FYN: variants seen among roughly 807,000 people sequenced by gnomAD.
The protein encoded by FYN is tyrosine-protein kinase Fyn.
FYN carries 10 observed loss-of-function variants against 70.2 expected under a neutral mutation model. That is an observed-to-expected ratio of 0.14 (90% CI 0.09 to 0.24). The LOEUF (loss-of-function observed/expected upper bound fraction) is 0.24. Among genes scored for constraint, FYN ranks in the 10% least tolerant of loss-of-function variants. The pLI, the probability that FYN is intolerant of heterozygous loss-of-function variation, is 1.00. For synonymous variants in FYN, 236 were observed against 248.6 expected (o/e 0.95, Z 0.48); for missense variants, 319 against 673.1 (o/e 0.47, Z 5.82).
intron 2 of FYN, among the ~76,000 whole-genome samples, chr6:111,807,137 T>C (rs1772175604): frequency 6.6e-6 from 1 of 152,212 alleles, no homozygotes; most frequent in Non-Finnish European, 1.5e-5. Flanking sequence ...TACTGAGGGA[T>C]TTATTTTAAC....
intron 2 of FYN, among the ~76,000 whole-genome samples, chr6:111,841,555 C>T (rs570318671): frequency 6.4e-4 from 97 of 152,278 alleles, no homozygotes; most frequent in Non-Finnish European, 1.0e-3. Context: ...TCACATACAA[C>T]GTGGGGCAAC....
intron 9 of FYN, among the ~76,000 whole-genome samples, chr6:111,699,291 T>C (rs1052465367): frequency 1.3e-5 from 2 of 152,176 alleles, no homozygotes; most frequent in African/African-American, 4.8e-5. Flanking sequence ...AGATTCATAG[T>C]GTACTGGTTT....
chr6:111,705,238 C>T (rs1480106009), intron 6 of FYN, among the ~76,000 whole-genome samples: 2 of 152,086 alleles, frequency 1.3e-5, no homozygotes, highest in Non-Finnish European at 2.9e-5. Flanking sequence ...TCAATAACTT[C>T]CTCCCTATAA....
intron 1 of FYN, among the ~76,000 whole-genome samples, chr6:111,866,242 A>C (rs190958980): frequency 1.3e-3 from 198 of 152,348 alleles, no homozygotes; most frequent in African/African-American, 4.6e-3. Context: ...CTCCATTTAA[A>C]GATGAAGAAA....
chr6:111,718,635 T>C (rs1486130949), intron 4 of FYN, among the ~76,000 whole-genome samples: 1 of 152,140 alleles, frequency 6.6e-6, no homozygotes, highest in Admixed American at 6.5e-5. Flanking sequence ...CCTCTTTTTT[T>C]CTCCTGCATC....
chr6:111,688,867 G>T (rs1799166218), intron 12 of FYN, among the ~76,000 whole-genome samples: 1 of 151,966 alleles, frequency 6.6e-6, no homozygotes, highest in Non-Finnish European at 1.5e-5. Context: ...TGTCCGGGGT[G>T]AGGGGGCCCT....
intron 3 of FYN, among the ~76,000 whole-genome samples, chr6:111,763,483 T>C (rs1803088904): frequency 6.6e-6 from 1 of 152,240 alleles, no homozygotes; most frequent in African/African-American, 2.4e-5. Flanking sequence ...ATCAACAGGA[T>C]AGGTATCTGA....
intron 13 of FYN, among the ~76,000 whole-genome samples, chr6:111,673,422 C>A (rs1798385778): frequency 6.6e-6 from 1 of 152,134 alleles, no homozygotes. Context: ...CAAGGCTACA[C>A]CAACCCAGAA....
chr6:111,800,444 G>C (rs967411607), intron 2 of FYN, among the ~76,000 whole-genome samples: 2 of 152,122 alleles, frequency 1.3e-5, no homozygotes, highest in Non-Finnish European at 2.9e-5. Flanking sequence ...GAGCAGGAGG[G>C]ATGGACACAA....
chr6:111,747,862 GCTTCATT>G (rs1422301534), intron 3 of FYN, among the ~76,000 whole-genome samples: 2 of 152,178 alleles, frequency 1.3e-5, no homozygotes, highest in African/African-American at 4.8e-5. Flanking sequence ...CATGCTTCAT[GCTTCATT>G]CTTACGAATC....
At chr6:111,801,605 C>A (rs1424712611) in intron 2 of FYN, among the ~76,000 whole-genome samples, 3 of 152,204 alleles carry the variant, frequency 2.0e-5, no homozygotes, top group Admixed American at 2.0e-4. Context: ...ACTCTCAATT[C>A]TCAGTAAACT....
At chr6:111,688,111 T>C (rs1799105800) in intron 12 of FYN, among the ~76,000 whole-genome samples, 1 of 152,102 alleles carries the variant, frequency 6.6e-6, no homozygotes, top group Admixed American at 6.5e-5. Flanking sequence ...AAGAAGTGAA[T>C]AATACCAACA....
At chr6:111,851,613 A>G in intron 1 of FYN, among the ~76,000 whole-genome samples, 1 of 152,286 alleles carries the variant, frequency 6.6e-6, no homozygotes, top group East Asian at 1.9e-4. Flanking sequence ...ACAATACAGA[A>G]TTGTGGTCCA....
At chr6:111,676,261 GTGAAA>G (rs1234609790) in intron 12 of FYN, among the ~76,000 whole-genome samples, 2 of 152,098 alleles carry the variant, frequency 1.3e-5, no homozygotes, top group Non-Finnish European at 2.9e-5. Flanking sequence ...ATGTGTCTGT[GTGAAA>G]TGAAATGAAA....
intron 1 of FYN, among the ~76,000 whole-genome samples, chr6:111,854,306 G>A (rs1422582810): frequency 6.6e-6 from 1 of 152,172 alleles, no homozygotes; most frequent in Non-Finnish European, 1.5e-5. Flanking sequence ...CAATCGTGGT[G>A]TAAGCAACAC....
At chr6:111,696,197 A>C (rs543394777) in intron 10 of FYN, 80 bp downstream of exon 10, 89 of 1,213,394 alleles carry the variant, frequency 7.3e-5, no homozygotes, top group South Asian at 3.6e-4. Flanking sequence ...GAAAAGTAGC[A>C]AGTAGGAAAC....
At chr6:111,862,937 T>C (rs1774004893) in intron 1 of FYN, among the ~76,000 whole-genome samples, 1 of 152,122 alleles carries the variant, frequency 6.6e-6, no homozygotes, top group African/African-American at 2.4e-5. Context: ...ATATTGCCAA[T>C]TAACGAGATG....
chr6:111,829,136 C>T lies in FYN; in HGVS notation c.-82+17453G>A, dbSNP rs563521182. On this transcript the variant is annotated intron_variant, in intron 2 of 13. Transcript: ENST00000354650. Reference sequence around the variant, plus strand: ...GGAAAACTGTTAGAAAACATGAAATCCTATTTTTTACATTTACATAGAGGC... The same window carrying T: ...GGAAAACTGTTAGAAAACATGAAATTCTATTTTTTACATTTACATAGAGGC... Among the ~76,000 whole-genome samples, 11 of 152,322 alleles carry T rather than the reference C, an allele frequency of 7.2e-5. No homozygotes were observed. The South Asian group carries it at 2.3e-3, about 32-fold the overall frequency.
rs573324828 is a variant in FYN at position 111,778,773 on chromosome 6, C to T, written c.-12+1793G>A. Among the ~76,000 whole-genome samples, 70 of 152,074 alleles carry T rather than the reference C, an allele frequency of 4.6e-4. 1 individual carries two copies. Among genetic ancestry groups the T allele is most frequent in the African/African-American group, 1.3e-3 (52 of 41,500 alleles). On this transcript the variant is annotated intron_variant, in intron 3 of 13. Transcript: ENST00000354650. ...CCTCCTAAAGTGCTGGGATTGCAGG[C>T]GTGAGTCACCGCACCCAGCCTCCTT... is the stretch of plus-strand genomic sequence containing the variant.
Sources: gnomAD v4.1 joint callset for allele counts (sites outside exome capture counted in the v4.1 genomes callset) on GRCh38, gnomAD v4.1.1 for gene constraint, MANE v1.5 for transcripts, NCBI Gene and HGNC (gene_info 2026-07-23, HGNC 2026-07-21) for gene names.